Variants in RALGDS observed in about 807,000 individuals in gnomAD.
RALGDS encodes ral guanine nucleotide dissociation stimulator.
Under a neutral mutation model 99.8 loss-of-function variants are expected in RALGDS, and 44 were observed. The observed-to-expected ratio is 0.44, with a 90% CI of 0.35 to 0.57. The LOEUF (loss-of-function observed/expected upper bound fraction) is 0.57, where lower values mean the gene tolerates loss of function less well. Among genes scored for constraint, RALGDS ranks in the 20% least tolerant of loss-of-function variants. The pLI is 0.01. For synonymous variants in RALGDS, 529 were observed against 505.0 expected, an observed-to-expected ratio of 1.05 and a Z score of -0.64; for missense variants, 1,022 against 1,203.1, an observed-to-expected ratio of 0.85 and a Z score of 2.23.
rs1173439406 is a variant in RALGDS at position 133,111,907 on chromosome 9, C to T, written c.294+135G>A. 4 of 717,152 alleles carry T rather than the reference C, an allele frequency of 5.6e-6. 1 individual carries two copies. In the South Asian group the frequency reaches 6.1e-5, roughly 11 times the overall value. 44.4% of individuals were successfully genotyped at this position (717,152 alleles called of 1,614,324 possible). A position where few individuals can be genotyped will look rare whatever the true frequency, so the allele number is the denominator to read the frequency against. The stretch of plus-strand genomic sequence containing the variant: ...GTCAAACATGAAAACCCGATTAAGC[C>T]TGGGCTGGACAGTGGGGGTCGGGAA... On this transcript the variant is annotated intron_variant, in intron 2 of 17. Transcript: ENST00000372050.
At position 133,100,350 on chromosome 9, in the gene RALGDS, G is replaced by A; in HGVS notation, c.2487C>T (p.Ile829=). 1.9e-6 allele frequency: 3 copies of A among 1,614,202 alleles called. No individual in the cohort carries two copies. Among genetic ancestry groups the A allele is most frequent in the Non-Finnish European group, 2.5e-6 (3 of 1,180,026 alleles). ...VTSQDKAPAV[I]RKAMDKHNLE... ...GGTTGTGTTTGTCCATGGCCTTGCG[G>A]ATTACAGCCGGAGCCTTATCTTGGC... The change falls in exon 17 of 18, where the codon ATC becomes ATT. Residue 829 remains isoleucine, a synonymous_variant. Coordinates refer to ENST00000372050, the MANE Select transcript of RALGDS (RefSeq NM_006266.4).
At chr9:133,123,300 C>T (rs1371420399), upstream of RALGDS, among the ~76,000 whole-genome samples, 1 of 152,212 alleles carries the variant, frequency 6.6e-6, no homozygotes, top group African/African-American at 2.4e-5. Flanking sequence ...TTATCTCCTT[C>T]GCTGAGTGAT....
At chr9:133,110,990 C>T (rs77093956) in intron 2 of RALGDS, among the ~76,000 whole-genome samples, 9,826 of 152,202 alleles carry the variant, frequency 0.065, 1,099 homozygotes, top group African/African-American at 0.22. Context: ...ATCGCTTGAG[C>T]CCAGGAGGTC....
upstream of RALGDS, among the ~76,000 whole-genome samples, chr9:133,133,917 G>A (rs1041361743): frequency 3.3e-5 from 5 of 152,206 alleles, no homozygotes; most frequent in Admixed American, 6.5e-5. Context: ...GTGACTCAGA[G>A]CCAGAGCAGT....
chr9:133,129,506 C>T, intron 1 of RALGDS: 2 of 1,310,286 alleles, frequency 1.5e-6, no homozygotes, highest in Middle Eastern at 2.8e-4. Context: ...CATGGGCCAG[C>T]CGAGGACGAG....
upstream of RALGDS, among the ~76,000 whole-genome samples, chr9:133,135,539 A>G (rs1338697723): frequency 1.3e-5 from 2 of 152,046 alleles, no homozygotes; most frequent in Admixed American, 6.5e-5. Flanking sequence ...CCCCTCCCCA[A>G]CCCTGCCTGC....
In RALGDS at chr9:133,103,213, T is replaced by G; in HGVS notation, c.1791+17A>C. The G allele has an allele frequency of 6.2e-7, 1 of 1,613,850 alleles. No homozygotes were observed. Among genetic ancestry groups the G allele is most frequent in the Non-Finnish European group, 8.5e-7 (1 of 1,180,004 alleles). Reference sequence around the variant, plus strand: ...TTTCCACCCCTCCCCAAGTCAGGGCTGCCTGCAGCTGCTTACCTTCCTCCT... The same window carrying G: ...TTTCCACCCCTCCCCAAGTCAGGGCGGCCTGCAGCTGCTTACCTTCCTCCT... On this transcript the variant is annotated intron_variant, in intron 12 of 17. Coordinates refer to ENST00000372050, the MANE Select transcript of RALGDS (RefSeq NM_006266.4).
chr9:133,108,542 G>C, intron 5 of RALGDS, 131 bp downstream of exon 5: 8 of 1,412,274 alleles, frequency 5.7e-6, no homozygotes, highest in Non-Finnish European at 7.8e-6. Context: ...CCTGCCTGTG[G>C]TCCCTGCCTG....
upstream of RALGDS, among the ~76,000 whole-genome samples, chr9:133,122,019 C>A (rs909404451): frequency 4.6e-5 from 7 of 152,178 alleles, no homozygotes; most frequent in Admixed American, 1.3e-4. Flanking sequence ...GAGCGGAAGG[C>A]ACCAAGGTTG....
chr9:133,121,302 G>A, upstream of RALGDS: 1 of 851,992 alleles, frequency 1.2e-6, no homozygotes, highest in Admixed American at 6.2e-5. Context: ...GGGGAAGAGG[G>A]TGGGGCCGGG....
At chr9:133,111,203 A>G (rs987796512) in intron 2 of RALGDS, among the ~76,000 whole-genome samples, 2 of 152,028 alleles carry the variant, frequency 1.3e-5, no homozygotes, top group African/African-American at 4.8e-5. Context: ...CTCTAACAAA[A>G]TATCCCCATT....
chr9:133,099,686 A>G (rs561454494), intron 17 of RALGDS: 1 of 168,914 alleles, frequency 5.9e-6, no homozygotes, highest in Non-Finnish European at 1.3e-5. Flanking sequence ...AGATTTTTAC[A>G]TATATGATGA....
upstream of RALGDS, among the ~76,000 whole-genome samples, chr9:133,124,639 CAGAT>C (rs2119231064): frequency 6.6e-6 from 1 of 152,366 alleles, no homozygotes; most frequent in African/African-American, 2.4e-5. Context: ...AATGAAGGCA[CAGAT>C]AAAGTTCCCT....
At chr9:133,120,894 T>G (rs2119214563) in intron 1 of RALGDS, 78 bp downstream of exon 1, 1 of 1,358,708 alleles carries the variant, frequency 7.4e-7, no homozygotes, top group East Asian at 3.2e-5. Context: ...CGTCCGGGGC[T>G]CGCCCCGACC....
upstream of RALGDS, among the ~76,000 whole-genome samples, chr9:133,134,528 C>T (rs1009002735): frequency 5.3e-5 from 8 of 152,204 alleles, no homozygotes; most frequent in South Asian, 2.1e-4. Context: ...TGTCACACAG[C>T]GTGTCAGTGC....
At chr9:133,119,740 G>C (rs754612581) in intron 1 of RALGDS, among the ~76,000 whole-genome samples, 2 of 152,082 alleles carry the variant, frequency 1.3e-5, no homozygotes, top group African/African-American at 2.4e-5. Flanking sequence ...ATAGATGAGG[G>C]TTGAGGGAAC....
Position 133,101,513 on chromosome 9 carries a change from G to A in RALGDS, c.2454+7C>T, listed in dbSNP as rs368734520. The A allele has an allele frequency of 1.2e-5, 19 of 1,611,452 alleles. No homozygotes were observed. Among genetic ancestry groups the A allele is most frequent in the African/African-American group, 1.1e-4 (8 of 75,056 alleles). The stretch of plus-strand genomic sequence containing the variant: ...GGGAGGCACCCAGGCCACCCCCGCC[G>A]GCTTACCAGGATGCTCTTGTACATG... On this transcript the variant is annotated splice_region_variant and intron_variant, in intron 16 of 17. Coordinates refer to ENST00000372050, the MANE Select transcript of RALGDS (RefSeq NM_006266.4).
intron 9 of RALGDS, chr9:133,104,596 G>A: frequency 4.1e-6 from 2 of 484,520 alleles, no homozygotes; most frequent in Admixed American, 6.7e-5. Context: ...TGGATCACTT[G>A]AGGTCAGGAG....
At position 133,104,322 on chromosome 9, in the gene RALGDS, A is replaced by G; in HGVS notation, c.1612T>C (p.Ser538Pro). ...SRELLIKEGT[S>P]KFATLEMNPK... ...TTCATCTCCAGGGTGGCAAACTTGG[A>G]GGTGCCCTCCTGCCAGGGTAGAGGA... The change falls in exon 10 of 18, where the codon TCC becomes CCC. Residue 538 changes from serine to proline, a missense_variant. Around this residue, in one of 3 missense-constraint regions of RALGDS, gnomAD observed 825 missense variants for 994.5 expected, o/e 0.83. Coordinates refer to ENST00000372050, the MANE Select transcript of RALGDS (RefSeq NM_006266.4). The G allele has an allele frequency of 6.2e-7, 1 of 1,613,122 alleles. No individual in the cohort carries two copies. The highest frequency in any genetic ancestry group is 1.1e-5 in the South Asian group (1 of 91,068).
Sources: allele counts gnomAD v4.1 joint callset (sites outside exome capture counted in the v4.1 genomes callset), GRCh38; gene constraint gnomAD v4.1.1; regional missense constraint gnomAD v4.1.1; transcripts MANE v1.5; gene names NCBI Gene and HGNC (gene_info 2026-07-23, HGNC 2026-07-21).